The following MEGF11 variants were observed in gnomAD, a reference collection of about 807,000 sequenced individuals.
The protein encoded by MEGF11 is multiple EGF like domains 11.
Under a neutral mutation model 146.6 loss-of-function variants are expected in MEGF11, and 126 were observed. That is an observed-to-expected ratio of 0.86 (90% CI 0.74 to 1.00). The LOEUF (loss-of-function observed/expected upper bound fraction) is 1.00, where lower values mean the gene tolerates loss of function less well. Among genes scored for constraint, MEGF11 ranks in the 50% least tolerant of loss-of-function variants. MEGF11 has a pLI of 0.00. For missense variants in MEGF11, 1,509 were observed against 1,521.2 expected, an observed-to-expected ratio of 0.99 and a Z score of 0.13; for synonymous variants, 532 against 583.4, an observed-to-expected ratio of 0.91 and a Z score of 1.27.
At chr15:66,015,919 A>G (rs2082869371) in intron 5 of MEGF11, among the ~76,000 whole-genome samples, 1 of 92,372 alleles carries the variant, frequency 1.1e-5, no homozygotes, top group Non-Finnish European at 2.1e-5. Context: ...GGTGGGGTTC[A>G]GTGGGGTAGT....
At chr15:66,129,958 C>A (rs951168563) in intron 1 of MEGF11, among the ~76,000 whole-genome samples, 2 of 152,094 alleles carry the variant, frequency 1.3e-5, no homozygotes, top group Admixed American at 1.3e-4. Flanking sequence ...AAGAGGGGAG[C>A]GATTCTGGTG....
At chr15:66,244,695 C>T (rs1443966401) in intron 1 of MEGF11, among the ~76,000 whole-genome samples, 2 of 152,120 alleles carry the variant, frequency 1.3e-5, no homozygotes, top group African/African-American at 4.8e-5. Flanking sequence ...AAAATCTTTC[C>T]TAAAAATCAC....
chr15:66,123,946 G>A lies in MEGF11; in HGVS notation c.153C>T (p.Tyr51=), dbSNP rs771662669. 8.7e-6 allele frequency: 14 copies of A among 1,613,928 alleles called. No individual in the cohort carries two copies. Among genetic ancestry groups the A allele is most frequent in the East Asian group, 2.2e-5 (1 of 44,904 alleles). The change falls in exon 3 of 26, where the codon TAC becomes TAT. Residue 51 remains tyrosine, a synonymous_variant. Coordinates refer to ENST00000395614, the MANE Select transcript of MEGF11 (RefSeq NM_001385028.1). ...AGTTGAGGATGTCTGTGCATCGTGT[G>A]TAATAGATCTGATCGAAGGGGTGTG... ...SYAHPFDQIY[Y]TRCTDILNWF... is the part of the protein sequence containing the mutation.
rs2141220885 is a variant in MEGF11, at chr15:65,916,256, C to CA, written c.2235dup (p.Gly746TrpfsTer17). ...TGGCATACGCGCCCACAGTCCTTCC[C>CA]AAAAAATGCTGCTGGGCAGCCTAGA... On this transcript the variant is annotated frameshift_variant, in exon 18 of 26. Coordinates refer to ENST00000395614, the MANE Select transcript of MEGF11 (RefSeq NM_001385028.1). LOFTEE classifies it high-confidence loss of function. The CA allele has an allele frequency of 5.8e-6, 9 of 1,556,838 alleles. No homozygotes were observed. Among genetic ancestry groups the CA allele is most frequent in the African/African-American group, 1.4e-5 (1 of 73,446 alleles).
At chr15:65,903,037 C>G (rs1460724200) in intron 24 of MEGF11, among the ~76,000 whole-genome samples, 1 of 152,158 alleles carries the variant, frequency 6.6e-6, no homozygotes. Flanking sequence ...AATAGAAGGC[C>G]ACACTGCCTC....
intron 13 of MEGF11, among the ~76,000 whole-genome samples, chr15:65,925,881 T>C (rs1205971646): frequency 1.3e-5 from 2 of 152,188 alleles, no homozygotes; most frequent in Non-Finnish European, 2.9e-5. Flanking sequence ...CAAGCATCTC[T>C]TTGATAATCA....
At chr15:66,136,245 G>A (rs186146582) in intron 1 of MEGF11, among the ~76,000 whole-genome samples, 17 of 152,356 alleles carry the variant, frequency 1.1e-4, no homozygotes, top group Non-Finnish European at 1.8e-4. Flanking sequence ...GGTGAAACGC[G>A]GAGATCAGTA....
rs143392094 is a variant in MEGF11 at position 66,058,519 on chromosome 15, G to A, written c.394+35883C>T. ...GAGAGACAGCTTTGGGCTGGGCCCCGGAGCACCCCAATACAGTCAGGCAGA... is the reference window on the plus strand; with the variant it reads ...GAGAGACAGCTTTGGGCTGGGCCCCAGAGCACCCCAATACAGTCAGGCAGA... On this transcript the variant is annotated intron_variant, in intron 5 of 25. Coordinates refer to ENST00000395614, the MANE Select transcript of MEGF11 (RefSeq NM_001385028.1). 3.7e-3 allele frequency among the ~76,000 whole-genome samples: 570 copies of A among 152,214 alleles called. 9 individuals are homozygous for A. The highest frequency in any genetic ancestry group is 0.013 in the African/African-American group (543 of 41,502).
intron 1 of MEGF11, among the ~76,000 whole-genome samples, chr15:66,224,540 C>T (rs577136407): frequency 5.3e-5 from 8 of 150,654 alleles, no homozygotes; most frequent in East Asian, 3.9e-4. Context: ...GCCAAGATGG[C>T]GCCACTGTAC....
chr15:66,237,351 G>A (rs1395735669), intron 1 of MEGF11, among the ~76,000 whole-genome samples: 3 of 152,040 alleles, frequency 2.0e-5, no homozygotes, highest in Non-Finnish European at 4.4e-5. Flanking sequence ...CCACCTAGCT[G>A]CCAAAACAAT....
chr15:66,104,750 G>A (rs1213665009), intron 4 of MEGF11, among the ~76,000 whole-genome samples: 5 of 152,192 alleles, frequency 3.3e-5, no homozygotes, highest in Non-Finnish European at 7.3e-5. Context: ...GCAAGATGAT[G>A]GCCGAGCAGG....
intron 5 of MEGF11, among the ~76,000 whole-genome samples, chr15:66,062,434 C>T (rs904553818): frequency 6.6e-6 from 1 of 152,198 alleles, no homozygotes; most frequent in African/African-American, 2.4e-5. Context: ...TGTGGGCAGC[C>T]TCTAGGAGTT....
intron 8 of MEGF11, among the ~76,000 whole-genome samples, chr15:65,969,911 A>G (rs182300071): frequency 3.0e-4 from 45 of 152,050 alleles, no homozygotes; most frequent in African/African-American, 1.0e-3. Context: ...CCAGCTTCCA[A>G]TCTACTCACC....
At chr15:66,213,459 C>T (rs556406945) in intron 1 of MEGF11, among the ~76,000 whole-genome samples, 1 of 152,324 alleles carries the variant, frequency 6.6e-6, no homozygotes, top group South Asian at 2.1e-4. Context: ...AAAATTTCTG[C>T]CCTCGTGGAG....
chr15:65,966,121 G>A (rs1324560659), intron 8 of MEGF11, among the ~76,000 whole-genome samples: 1 of 152,030 alleles, frequency 6.6e-6, no homozygotes, highest in Non-Finnish European at 1.5e-5. Flanking sequence ...TCAGCCTCCC[G>A]AGTAGCTGGG....
intron 24 of MEGF11, among the ~76,000 whole-genome samples, chr15:65,903,635 C>G (rs2078548964): frequency 6.6e-6 from 1 of 152,228 alleles, no homozygotes; most frequent in Admixed American, 6.5e-5. Context: ...AACTCCTAGG[C>G]TAGGGCTTTT....
At chr15:66,129,607 C>T (rs973806159) in intron 1 of MEGF11, among the ~76,000 whole-genome samples, 20 of 152,082 alleles carry the variant, frequency 1.3e-4, no homozygotes, top group Non-Finnish European at 2.4e-4. Context: ...GGATCTATCC[C>T]GCTGGCCCTG....
chr15:66,094,442 G>T lies in MEGF11; in HGVS notation c.354C>A (p.Cys118Ter). Residue 118 changes from cysteine (C) to a stop codon, truncating the protein, a stop_gained, in exon 5 of 26, where the codon TGC (cysteine) becomes TGA (stop). Coordinates refer to ENST00000395614, the MANE Select transcript of MEGF11 (RefSeq NM_001385028.1). LOFTEE classifies it high-confidence loss of function. ...VHGRCVSPDT[C>*]HCEPGWGGPD... ...GCCCTCCCCAGCCAGGCTCGCAGTGGCAGGTGTCCGGGGAAACGCAGCGGC... is the reference window on the plus strand; with the variant it reads ...GCCCTCCCCAGCCAGGCTCGCAGTGTCAGGTGTCCGGGGAAACGCAGCGGC... The T allele has an allele frequency of 1.3e-6, 2 of 1,563,852 alleles. No individual in the cohort carries two copies. The highest frequency in any genetic ancestry group is 1.7e-6 in the Non-Finnish European group (2 of 1,153,600).
At chr15:66,202,472 C>G (rs2091188295) in intron 1 of MEGF11, among the ~76,000 whole-genome samples, 1 of 152,170 alleles carries the variant, frequency 6.6e-6, no homozygotes, top group South Asian at 2.1e-4. Context: ...GCACTCCAGC[C>G]CCTCTGGAGG....
Sources: gnomAD v4.1 joint callset for allele counts (sites outside exome capture counted in the v4.1 genomes callset) on GRCh38, gnomAD v4.1.1 for gene constraint, MANE v1.5 for transcripts, NCBI Gene and HGNC (gene_info 2026-07-23, HGNC 2026-07-21) for gene names.